PGAP4: variants seen among roughly 807,000 people sequenced by gnomAD.
The protein encoded by PGAP4 is post-GPI attachment to proteins GalNAc transferase 4.
Under a neutral mutation model 28.2 loss-of-function variants are expected in PGAP4, and 12 were observed. The ratio of observed to expected loss-of-function variants is 0.42; its 90% CI spans 0.27 to 0.69. The LOEUF (loss-of-function observed/expected upper bound fraction) is 0.69. Ranked by LOEUF, PGAP4 falls within the 30% of genes least tolerant of loss-of-function variation. PGAP4 has a pLI of 0.22. For missense variants in PGAP4, 425 were observed against 513.5 expected (o/e 0.83, Z 1.67); for synonymous variants, 205 against 211.8 (o/e 0.97, Z 0.28).
At chr9:101,477,921 G>C (rs188321525) in intron 1 of PGAP4, among the ~76,000 whole-genome samples, 28 of 116,196 alleles carry the variant, frequency 2.4e-4, no homozygotes, top group South Asian at 2.7e-4. Flanking sequence ...ATGAGGGAGC[G>C]GGGGGGGAAA....
chr9:101,502,901 G>A (rs1459464147), intron 2 of PGAP4, among the ~76,000 whole-genome samples: 1 of 152,030 alleles, frequency 6.6e-6, no homozygotes, highest in Non-Finnish European at 1.5e-5. Flanking sequence ...CATGGGGAAT[G>A]GAGGTGAGTG....
At chr9:101,481,114 G>A (rs893905727) in intron 1 of PGAP4, among the ~76,000 whole-genome samples, 1 of 152,176 alleles carries the variant, frequency 6.6e-6, no homozygotes, top group Non-Finnish European at 1.5e-5. Context: ...GCAGGTCGAG[G>A]CCGCAGTGAG....
chr9:101,516,656 T>C (rs1304276461), intron 2 of PGAP4, among the ~76,000 whole-genome samples: 1 of 152,210 alleles, frequency 6.6e-6, no homozygotes, highest in East Asian at 1.9e-4. Context: ...ACATGGTTCA[T>C]ACTGTACCAT....
chr9:101,525,259 C>A (rs1255130099), intron 2 of PGAP4, among the ~76,000 whole-genome samples: 2 of 152,136 alleles, frequency 1.3e-5, no homozygotes, highest in Non-Finnish European at 2.9e-5. Flanking sequence ...ACATATTAAA[C>A]CCCCTTCATA....
At chr9:101,494,807 C>T (rs1826722971) in intron 2 of PGAP4, among the ~76,000 whole-genome samples, 1 of 151,556 alleles carries the variant, frequency 6.6e-6, no homozygotes, top group East Asian at 1.9e-4. Context: ...GACAAGGAAA[C>T]TAGTTATTTT....
chr9:101,492,439 G>T (rs1428463589), intron 2 of PGAP4, among the ~76,000 whole-genome samples: 1 of 151,996 alleles, frequency 6.6e-6, no homozygotes, highest in Admixed American at 6.6e-5. Flanking sequence ...TGATCCGCCC[G>T]CCCGGCAGTA....
chr9:101,490,437 G>T (rs959224088), upstream of PGAP4, among the ~76,000 whole-genome samples: 1 of 152,072 alleles, frequency 6.6e-6, no homozygotes. Flanking sequence ...TGATCTGCCC[G>T]CCTCAGCCTC....
intron 1 of PGAP4, chr9:101,480,830 C>T (rs1826464474): frequency 6.6e-6 from 1 of 152,156 alleles, no homozygotes; most frequent in Non-Finnish European, 1.5e-5. Context: ...GCACAGTAGC[C>T]TGTGGTGTCC....
rs571798380 is a variant in PGAP4 at position 101,474,607 on chromosome 9, A to G, written c.*1274T>C. On this transcript the variant is annotated 3_prime_UTR_variant, in exon 2 of 2. Transcript: ENST00000374848. ...AGCTGCACATCCTTCAGAGGTCACAATGAAAAGTCAGTCTTTATTCTAGCA... is the reference window on the plus strand; with the variant it reads ...AGCTGCACATCCTTCAGAGGTCACAGTGAAAAGTCAGTCTTTATTCTAGCA... 94 of 152,350 alleles carry G rather than the reference A, an allele frequency of 6.2e-4. No homozygotes were observed. Among genetic ancestry groups the G allele is most frequent in the African/African-American group, 2.2e-3 (91 of 41,594 alleles). The allele number at this position is 152,350 out of a possible 1,614,324, so 9.4% of individuals were successfully genotyped here.
rs182932318 is a variant in PGAP4 at position 101,483,194 on chromosome 9, C to T, written c.-78+3755G>A. Among the ~76,000 whole-genome samples the T allele has an allele frequency of 1.6e-3, 249 of 152,268 alleles. 1 individual carries two copies. Among genetic ancestry groups the T allele is most frequent in the African/African-American group, 5.6e-3 (231 of 41,552 alleles). On this transcript the variant is annotated intron_variant, in intron 1 of 1. Transcript: ENST00000374848. ...AGCACAGAACTATGCATAGAAGATG[C>T]TCAATGCTTGTTAAGCAAATAATTG... is the stretch of plus-strand genomic sequence containing the variant.
chr9:101,515,018 G>A (rs1826931537), intron 2 of PGAP4, among the ~76,000 whole-genome samples: 2 of 152,142 alleles, frequency 1.3e-5, no homozygotes, highest in Non-Finnish European at 2.9e-5. Context: ...CAACTTTCCA[G>A]TCAATCTTTG....
At chr9:101,510,285 G>C (rs888415214) in intron 2 of PGAP4, among the ~76,000 whole-genome samples, 3 of 152,094 alleles carry the variant, frequency 2.0e-5, no homozygotes, top group Admixed American at 6.6e-5. Context: ...GGGCTTCTTA[G>C]CTTTAGCAGT....
rs1200484452 is a variant in PGAP4 at position 101,474,386 on chromosome 9, T to A, written c.*1495A>T. On this transcript the variant is annotated 3_prime_UTR_variant, in exon 2 of 2. Coordinates refer to ENST00000374848, the MANE Select transcript of PGAP4 (RefSeq NM_032342.3). Reference sequence around the variant, plus strand: ...ACTCTAATATCATCATCCATCCTCATAAAGTAACTTGTTGGTCACTAGTCT... The same window carrying A: ...ACTCTAATATCATCATCCATCCTCAAAAAGTAACTTGTTGGTCACTAGTCT... 6 of 152,240 alleles carry A rather than the reference T, an allele frequency of 3.9e-5. No homozygotes were observed. The highest frequency in any genetic ancestry group is 8.8e-5 in the Non-Finnish European group (6 of 68,028). 9.4% of individuals were successfully genotyped at this position (152,240 alleles called of 1,614,324 possible). A position where few individuals can be genotyped will look rare whatever the true frequency, so the allele number is the denominator to read the frequency against.
At chr9:101,501,259 T>C (rs868290708) in intron 2 of PGAP4, among the ~76,000 whole-genome samples, 9 of 152,220 alleles carry the variant, frequency 5.9e-5, no homozygotes, top group Middle Eastern at 3.4e-3. Context: ...TGTGCTGTAC[T>C]GCTACAATAG....
intron 2 of PGAP4, among the ~76,000 whole-genome samples, chr9:101,510,371 CG>C (rs1445278599): frequency 1.3e-5 from 2 of 149,868 alleles, no homozygotes; most frequent in African/African-American, 4.9e-5. Context: ...TGCTTCTGTT[CG>C]TTATGTTCAT....
chr9:101,492,576 T>A (rs1462395685), intron 2 of PGAP4, among the ~76,000 whole-genome samples: 1 of 152,192 alleles, frequency 6.6e-6, no homozygotes. Context: ...CTCTGAATTC[T>A]GTTACATTTT....
At chr9:101,514,716 AGGAGGAAACTAAAGGGAATAAGGT>A (rs1826928811) in intron 2 of PGAP4, among the ~76,000 whole-genome samples, 1 of 152,150 alleles carries the variant, frequency 6.6e-6, no homozygotes, top group Non-Finnish European at 1.5e-5. Context: ...TAAGAAAAGA[AGGAGGAAACTAAAGGGAATAAGGT>A]GGCACCTCTC....
chr9:101,519,811 A>G (rs1207828877), intron 2 of PGAP4, among the ~76,000 whole-genome samples: 1 of 152,054 alleles, frequency 6.6e-6, no homozygotes, highest in African/African-American at 2.4e-5. Context: ...AATGTCTAGA[A>G]GGGTTTTTCC....
rs1049465174 is a variant in PGAP4 at position 101,486,380 on chromosome 9, G to T, written c.-78+569C>A. 1.3e-5 allele frequency among the ~76,000 whole-genome samples: 2 copies of T among 152,114 alleles called. No individual in the cohort carries two copies. The highest frequency in any genetic ancestry group is 1.3e-4 in the Admixed American group (2 of 15,276). Reference sequence around the variant, plus strand: ...GGTCCTGGGAGGGACGCCTTCCTCTGCCCAGTCGCCCTCCCCCAGCCCTTG... The same window carrying T: ...GGTCCTGGGAGGGACGCCTTCCTCTTCCCAGTCGCCCTCCCCCAGCCCTTG... On this transcript the variant is annotated intron_variant, in intron 1 of 1. Transcript: ENST00000374848. The surrounding 1 kb of genome is among the most constrained non-coding windows in gnomAD (Gnocchi z 4.7).
Sources: allele counts gnomAD v4.1 joint callset (sites outside exome capture counted in the v4.1 genomes callset), GRCh38; gene constraint gnomAD v4.1.1; non-coding constraint Gnocchi (gnomAD v3.1); transcripts MANE v1.5; gene names NCBI Gene and HGNC (gene_info 2026-07-23, HGNC 2026-07-21).